Variants in POLI observed in about 807,000 individuals in gnomAD.
POLI encodes the protein RAD30 homolog B.
POLI carries 58 observed loss-of-function variants against 51.6 expected under a neutral mutation model. That is an observed-to-expected ratio of 1.12 (90% CI 0.91 to 1.40). POLI has a LOEUF of 1.40. POLI is among the 40% of genes most tolerant of loss of function. POLI has a pLI of 0.00. For synonymous variants in POLI, 322 were observed against 299.7 expected, an observed-to-expected ratio of 1.07 and a Z score of -0.77; for missense variants, 921 against 871.3, an observed-to-expected ratio of 1.06 and a Z score of -0.72.
At position 54,297,978 on chromosome 18, in the gene POLI, G is replaced by A. The variant is rs2088415333; in HGVS notation, c.*3511G>A. 1 of 980,972 alleles carries A rather than the reference G, an allele frequency of 1.0e-6. No individual in the cohort carries two copies. The highest frequency in any genetic ancestry group is 6.2e-5 in the Admixed American group (1 of 16,234). 60.8% of individuals were successfully genotyped at this position (980,972 alleles called of 1,614,324 possible). ...ATTTAGAACTGACATCTCTTGAGCT[G>A]TTCTAAGATAATATCTTTTACTTTG... On this transcript the variant is annotated 3_prime_UTR_variant, in exon 10 of 10. Coordinates refer to ENST00000579534, the MANE Select transcript of POLI (RefSeq NM_007195.3).
chr18:54,310,054 A>G (rs533825652), intron 3 of POLI, among the ~76,000 whole-genome samples: 35 of 152,290 alleles, frequency 2.3e-4, no homozygotes, highest in African/African-American at 7.9e-4. Context: ...AGGTGAGGTG[A>G]TGCCCCACCC....
chr18:54,297,586 T>C lies in POLI; in HGVS notation c.*3119T>C. 1.0e-6 allele frequency: 1 copy of C among 978,978 alleles called. No individual in the cohort carries two copies. Among genetic ancestry groups the C allele is most frequent in the Non-Finnish European group, 1.2e-6 (1 of 824,312 alleles). The allele number at this position is 978,978 out of a possible 1,614,324, so 60.6% of individuals were successfully genotyped here. On this transcript the variant is annotated 3_prime_UTR_variant, in exon 10 of 10. Coordinates refer to ENST00000579534, the MANE Select transcript of POLI (RefSeq NM_007195.3). ...TTTTAATATATTTCTTTTTCTATGT[T>C]GTGCTTCTTTCCCACCTTTATCTCT... is the stretch of plus-strand genomic sequence containing the variant.
At chr18:54,305,497 A>AGTATACAATCATGTCATCTGCAAACAG (rs2088567027) in intron 3 of POLI, among the ~76,000 whole-genome samples, 2 of 144,808 alleles carry the variant, frequency 1.4e-5, no homozygotes, top group Non-Finnish European at 3.1e-5. Flanking sequence ...TTGGATTCCT[A>AGTATACAATCATGTCATCTGCAAACAG]GGTATTTTAT....
intron 3 of POLI, among the ~76,000 whole-genome samples, chr18:54,308,294 C>G (rs1488070095): frequency 6.6e-6 from 1 of 152,280 alleles, no homozygotes; most frequent in African/African-American, 2.4e-5. Flanking sequence ...CAACATCTCT[C>G]AGCATTTGCT....
intron 3 of POLI, among the ~76,000 whole-genome samples, chr18:54,315,394 T>C (rs2088720972): frequency 6.6e-6 from 1 of 152,156 alleles, no homozygotes. Context: ...ATGTGGTTGA[T>C]CTTAGAGTAT....
intron 3 of POLI, among the ~76,000 whole-genome samples, chr18:54,313,772 T>C (rs2088699013): frequency 6.6e-6 from 1 of 152,170 alleles, no homozygotes; most frequent in Non-Finnish European, 1.5e-5. Flanking sequence ...TGTTGGTATG[T>C]AGGAATACTA....
chr18:54,303,634 A>G (rs906240152), intron 3 of POLI, among the ~76,000 whole-genome samples: 1 of 152,104 alleles, frequency 6.6e-6, no homozygotes, highest in Non-Finnish European at 1.5e-5. Context: ...AAATATTTGC[A>G]CTTGCTTCTG....
chr18:54,281,536 G>A (rs2087500009), intron 5 of POLI, among the ~76,000 whole-genome samples: 1 of 152,140 alleles, frequency 6.6e-6, no homozygotes, highest in Non-Finnish European at 1.5e-5. Context: ...AAACTTAGAT[G>A]TCATACTTCA....
intron 7 of POLI, 68 bp from the exon 8 acceptor site, chr18:54,287,213 A>T: frequency 8.9e-7 from 1 of 1,124,904 alleles, no homozygotes. Context: ...TAGATAAATG[A>T]GATGTTACAT....
Position 54,297,156 on chromosome 18 carries a change from GCAGGTCAATTCCAAACTAA to G in POLI, c.*2694_*2712del. On this transcript the variant is annotated 3_prime_UTR_variant, in exon 10 of 10. Coordinates refer to ENST00000579534, the MANE Select transcript of POLI (RefSeq NM_007195.3). ...ACTACTAGCCGAAGGTTTTGTCTCTGCAGGTCAATTCCAAACTAACAGGCAGATGCTGTTAGCTATCTGC... is the reference window on the plus strand; with the variant it reads ...ACTACTAGCCGAAGGTTTTGTCTCTGCAGGCAGATGCTGTTAGCTATCTGC... 1.0e-6 allele frequency: 1 copy of G among 985,406 alleles called. No individual in the cohort carries two copies. The highest frequency in any genetic ancestry group is 1.7e-5 in the African/African-American group (1 of 57,348). 61.0% of individuals were successfully genotyped at this position (985,406 alleles called of 1,614,324 possible).
At chr18:54,304,018 T>C (rs182810921) in intron 3 of POLI, among the ~76,000 whole-genome samples, 1 of 152,212 alleles carries the variant, frequency 6.6e-6, no homozygotes, top group Non-Finnish European at 1.5e-5. Context: ...GGTGTTTGGT[T>C]TTCTGTCCTT....
chr18:54,302,621 C>T (rs183447488), downstream of POLI, among the ~76,000 whole-genome samples: 3 of 152,202 alleles, frequency 2.0e-5, no homozygotes, highest in Admixed American at 2.0e-4. Context: ...TGTTTACAAA[C>T]AATCAACTTA....
Position 54,294,441 on chromosome 18 carries a change from T to G in POLI, c.2197T>G (p.Ser733Ala). Residue 733 changes from serine to alanine, a missense_variant, in exon 10 of 10, where the codon TCA (serine) becomes GCA (alanine). Coordinates refer to ENST00000579534, the MANE Select transcript of POLI (RefSeq NM_007195.3). ...GCTGGCAGAGTGGAAGAGAGCAGGA[T>G]CAGATTTCCACATTGGACATAAATA... ...ELLAEWKRAG[S>A]DFHIGHK 6.2e-7 allele frequency: 1 copy of G among 1,603,226 alleles called. No individual in the cohort carries two copies. The highest frequency in any genetic ancestry group is 8.5e-7 in the Non-Finnish European group (1 of 1,175,638).
At position 54,296,647 on chromosome 18, in the gene POLI, C is replaced by A; in HGVS notation, c.*2180C>A. ...GTATCCTTCATGTCTCTTAATTTCT[C>A]ATATTTTTCATCCTCTTGTTTCTCT... On this transcript the variant is annotated 3_prime_UTR_variant, in exon 10 of 10. Transcript: ENST00000579534. The A allele has an allele frequency of 6.2e-6, 1 of 162,104 alleles. No homozygotes were observed. The highest frequency in any genetic ancestry group is 1.3e-5 in the Non-Finnish European group (1 of 77,182). The allele number at this position is 162,104 out of a possible 1,614,324, so 10.0% of individuals were successfully genotyped here.
At chr18:54,315,742 A>C (rs2088726515) in intron 3 of POLI, among the ~76,000 whole-genome samples, 1 of 152,028 alleles carries the variant, frequency 6.6e-6, no homozygotes, top group Admixed American at 6.6e-5. Flanking sequence ...TTTTGATTTA[A>C]AGTCTGTTTT....
rs755789604 is a variant in POLI, at chr18:54,293,764, C to T, written c.1520C>T (p.Thr507Ile). The T allele has an allele frequency of 6.2e-7, 1 of 1,605,700 alleles. No individual in the cohort carries two copies. Among genetic ancestry groups the T allele is most frequent in the Non-Finnish European group, 8.5e-7 (1 of 1,175,302 alleles). Residue 507 changes from threonine (T) to isoleucine (I), a missense_variant, in exon 10 of 10, where the codon ACA (threonine) becomes ATA (isoleucine). Coordinates refer to ENST00000579534, the MANE Select transcript of POLI (RefSeq NM_007195.3). ...ACTAGGGAGTCTCCACTAGATACCA[C>T]AAATTTTTCTAAAGAAAAAGACATT... ...TRTRESPLDTTNFSKEKDINE... is the reference protein window; with the variant it reads ...TRTRESPLDTINFSKEKDINE...
At chr18:54,310,111 C>T (rs934153974) in intron 3 of POLI, among the ~76,000 whole-genome samples, 3 of 152,166 alleles carry the variant, frequency 2.0e-5, no homozygotes, top group African/African-American at 7.2e-5. Context: ...CCAACCAGTC[C>T]CAGTGAGATG....
At chr18:54,314,243 AAG>A (rs2088704189) in intron 3 of POLI, among the ~76,000 whole-genome samples, 1 of 151,898 alleles carries the variant, frequency 6.6e-6, no homozygotes, top group South Asian at 2.1e-4. Flanking sequence ...CTGGGATGCA[AAG>A]TTGGTTCAAC....
chr18:54,282,885 G>A lies in POLI; in HGVS notation c.845G>A (p.Ser282Asn). The A allele has an allele frequency of 1.3e-6, 2 of 1,580,400 alleles. No homozygotes were observed. The highest frequency in any genetic ancestry group is 2.3e-5 in the East Asian group (1 of 43,598). The change falls in exon 6 of 10, where the codon AGT becomes AAT. Residue 282 changes from serine (S) to asparagine (N), a missense_variant. Ser to Asn is a conservative substitution (Grantham distance 46). Transcript: ENST00000579534. ...AKCLEALGIN[S>N]VRDLQTFSPK... ...TGTCTTGAAGCACTGGGTATCAATAGTGTGCGTGATCTCCAAACCTTTTCA... is the reference window on the plus strand; with the variant it reads ...TGTCTTGAAGCACTGGGTATCAATAATGTGCGTGATCTCCAAACCTTTTCA...
Sources: allele counts gnomAD v4.1 joint callset (sites outside exome capture counted in the v4.1 genomes callset), GRCh38; gene constraint gnomAD v4.1.1; transcripts MANE v1.5; gene names NCBI Gene and HGNC (gene_info 2026-07-23, HGNC 2026-07-21).